Variants in POU6F2 observed in about 807,000 individuals in gnomAD.
POU6F2 encodes POU domain, class 6, transcription factor 2.
In POU6F2, 31 loss-of-function variants were observed where a neutral mutation model predicts 71.3. That is an observed-to-expected ratio of 0.43 (90% CI 0.33 to 0.59). POU6F2 has a LOEUF of 0.59. POU6F2 is among the 20% of genes least tolerant of loss of function. The pLI, the probability that POU6F2 is intolerant of heterozygous loss-of-function variation, is 0.04. For missense variants in POU6F2, 783 were observed against 856.8 expected (o/e 0.91, Z 1.07); for synonymous variants, 347 against 355.7 (o/e 0.98, Z 0.27).
intron 4 of POU6F2, among the ~76,000 whole-genome samples, chr7:39,261,617 T>G (rs1784140837): frequency 6.6e-6 from 1 of 152,186 alleles, no homozygotes; most frequent in Non-Finnish European, 1.5e-5. Context: ...TTGTTCAAGG[T>G]CACACAGCCT....
intron 2 of POU6F2, among the ~76,000 whole-genome samples, chr7:39,133,737 T>A (rs971685709): frequency 3.9e-5 from 6 of 152,350 alleles, no homozygotes; most frequent in African/African-American, 1.4e-4. Flanking sequence ...CTTGGTAGAC[T>A]GTGCACTGTA....
At chr7:39,296,293 C>T (rs1784842337) in intron 4 of POU6F2, among the ~76,000 whole-genome samples, 1 of 152,142 alleles carries the variant, frequency 6.6e-6, no homozygotes, top group Non-Finnish European at 1.5e-5. Flanking sequence ...TCTGTTTTCC[C>T]TACCAAACAA....
intron 2 of POU6F2, among the ~76,000 whole-genome samples, chr7:39,159,932 T>C (rs1792957407): frequency 6.6e-6 from 1 of 152,162 alleles, no homozygotes; most frequent in Non-Finnish European, 1.5e-5. Flanking sequence ...AGACACGCCT[T>C]CCCAGAATCT....
At chr7:39,073,376 TAAAA>T (rs35194991) in intron 1 of POU6F2, among the ~76,000 whole-genome samples, 2 of 133,186 alleles carry the variant, frequency 1.5e-5, no homozygotes. Context: ...GAGAACCTAT[TAAAA>T]AAAAAAAAAA....
chr7:39,000,194 G>A (rs1788861554), intron 1 of POU6F2, among the ~76,000 whole-genome samples: 1 of 152,094 alleles, frequency 6.6e-6, no homozygotes, highest in Non-Finnish European at 1.5e-5. Context: ...ATGTTTGGGG[G>A]GACATTGGAG....
At chr7:39,105,886 T>C (rs1040617795) in intron 2 of POU6F2, among the ~76,000 whole-genome samples, 1 of 152,208 alleles carries the variant, frequency 6.6e-6, no homozygotes, top group African/African-American at 2.4e-5. Flanking sequence ...AAAGCCAAGA[T>C]GGAACCTAGT....
At chr7:39,217,177 A>G (rs753901210) in intron 4 of POU6F2, among the ~76,000 whole-genome samples, 5 of 152,150 alleles carry the variant, frequency 3.3e-5, no homozygotes, top group Admixed American at 6.6e-5. Context: ...TAAAAAAGCA[A>G]CTCTCAACAC....
intron 2 of POU6F2, among the ~76,000 whole-genome samples, chr7:39,168,493 C>G (rs1793157186): frequency 6.6e-6 from 1 of 152,182 alleles, no homozygotes; most frequent in Non-Finnish European, 1.5e-5. Flanking sequence ...GGCAGAAAGT[C>G]TTGACTGTAA....
chr7:39,268,941 A>C (rs1023560737), intron 4 of POU6F2, among the ~76,000 whole-genome samples: 1 of 152,172 alleles, frequency 6.6e-6, no homozygotes, highest in African/African-American at 2.4e-5. Flanking sequence ...GATCCCTCTG[A>C]TTAATAGTTG....
chr7:39,142,158 C>T (rs1792516457), intron 2 of POU6F2, among the ~76,000 whole-genome samples: 1 of 152,082 alleles, frequency 6.6e-6, no homozygotes, highest in African/African-American at 2.4e-5. Context: ...AATAAAACTC[C>T]AAAATGTCTT....
chr7:39,447,786 T>C (rs1788560061), intron 7 of POU6F2, among the ~76,000 whole-genome samples: 1 of 152,212 alleles, frequency 6.6e-6, no homozygotes, highest in Non-Finnish European at 1.5e-5. Flanking sequence ...TTTGGTAAAT[T>C]ATTCCAATTT....
chr7:39,298,282 A>G (rs1227365641), intron 4 of POU6F2, among the ~76,000 whole-genome samples: 1 of 152,232 alleles, frequency 6.6e-6, no homozygotes, highest in Non-Finnish European at 1.5e-5. Context: ...AAGGTCTAAT[A>G]TCCAGAATTT....
At chr7:39,184,089 A>G (rs1239684316) in intron 2 of POU6F2, among the ~76,000 whole-genome samples, 1 of 152,168 alleles carries the variant, frequency 6.6e-6, no homozygotes, top group Non-Finnish European at 1.5e-5. Context: ...GATAGATACT[A>G]AAGAGGGGCA....
At position 39,286,489 on chromosome 7, in the gene POU6F2, G is replaced by A. The variant is rs10259520; in HGVS notation, c.599-53153G>A. Among the ~76,000 whole-genome samples, 1,327 of 152,294 alleles carry A rather than the reference G, an allele frequency of 8.7e-3. 15 individuals are homozygous for A. Among genetic ancestry groups the A allele is most frequent in the Non-Finnish European group, 0.013 (874 of 68,002 alleles). On this transcript the variant is annotated intron_variant, in intron 4 of 9. Transcript: ENST00000518318. ...ACAATGTAAAATGTTCGAGTTACCC[G>A]TTCTGTAAATGGTGTGTCTTTCCAG...
chr7:39,252,822 C>T (rs951125974), intron 4 of POU6F2, among the ~76,000 whole-genome samples: 1 of 152,254 alleles, frequency 6.6e-6, no homozygotes, highest in African/African-American at 2.4e-5. Flanking sequence ...ATGTAGAAAA[C>T]GGCACCCCCA....
chr7:39,195,533 T>A (rs1377871142), intron 2 of POU6F2, among the ~76,000 whole-genome samples: 5 of 152,142 alleles, frequency 3.3e-5, no homozygotes, highest in African/African-American at 4.8e-5. Context: ...ACGATAATTT[T>A]GGTCTGAGCC....
At chr7:39,056,886 C>G (rs1426394548) in intron 1 of POU6F2, among the ~76,000 whole-genome samples, 1 of 152,106 alleles carries the variant, frequency 6.6e-6, no homozygotes, top group Non-Finnish European at 1.5e-5. Context: ...TCTGTCTTAT[C>G]AGTGGAATGC....
intron 2 of POU6F2, among the ~76,000 whole-genome samples, chr7:39,191,151 C>T (rs1793655505): frequency 6.6e-6 from 1 of 152,068 alleles, no homozygotes; most frequent in Non-Finnish European, 1.5e-5. Flanking sequence ...GCCTTTTAAC[C>T]AACACTTTAA....
chr7:39,047,786 T>G (rs935138185), intron 1 of POU6F2, among the ~76,000 whole-genome samples: 9 of 151,968 alleles, frequency 5.9e-5, no homozygotes, highest in Non-Finnish European at 8.8e-5. Flanking sequence ...GTCAACTGCC[T>G]TTTCTTTTTC....
Sources: gnomAD v4.1 joint callset for allele counts (sites outside exome capture counted in the v4.1 genomes callset) on GRCh38, gnomAD v4.1.1 for gene constraint, MANE v1.5 for transcripts, NCBI Gene and HGNC (gene_info 2026-07-23, HGNC 2026-07-21) for gene names.